Variants in COL14A1 observed in about 807,000 individuals in gnomAD.
COL14A1 encodes collagen alpha-1(XIV) chain.
In COL14A1, 136 loss-of-function variants were observed where a neutral mutation model predicts 230.3. That is an observed-to-expected ratio of 0.59 (90% confidence interval 0.51 to 0.68). The LOEUF (loss-of-function observed/expected upper bound fraction) is 0.68, where lower values mean the gene tolerates loss of function less well. Among genes scored for constraint, COL14A1 ranks in the 30% least tolerant of loss-of-function variants. The pLI, the probability that COL14A1 is intolerant of heterozygous loss-of-function variation, is 0.00. For missense variants in COL14A1, 1,976 were observed against 2,215.8 expected (o/e 0.89, Z 2.17); for synonymous variants, 792 against 784.1 (o/e 1.01, Z -0.17).
intron 1 of COL14A1, among the ~76,000 whole-genome samples, chr8:120,129,166 T>A (rs903436479): frequency 6.6e-6 from 1 of 152,158 alleles, no homozygotes; most frequent in Non-Finnish European, 1.5e-5. Context: ...CAAATGGAAA[T>A]GCCAATAGCT....
chr8:120,210,921 G>A (rs1009929917), intron 12 of COL14A1, among the ~76,000 whole-genome samples: 2 of 151,908 alleles, frequency 1.3e-5, no homozygotes, highest in Non-Finnish European at 2.9e-5. Flanking sequence ...TGACAAAAGA[G>A]AGACTTACAA....
intron 14 of COL14A1, 52 bp from the exon 15 acceptor site, chr8:120,225,036 T>G (rs1431200218): frequency 9.0e-6 from 14 of 1,553,386 alleles, no homozygotes; most frequent in Non-Finnish European, 1.2e-5. Flanking sequence ...ATAAAATGAT[T>G]CTTATACTTA....
chr8:120,259,872 A>T (rs924676839), intron 23 of COL14A1, among the ~76,000 whole-genome samples: 1 of 152,126 alleles, frequency 6.6e-6, no homozygotes, highest in Non-Finnish European at 1.5e-5. Context: ...GCTCTAAGGG[A>T]TAGCTAAGGG....
At chr8:120,206,759 A>G (rs569421987) in intron 9 of COL14A1, among the ~76,000 whole-genome samples, 184 bp from the exon 10 acceptor site, 1 of 152,354 alleles carries the variant, frequency 6.6e-6, no homozygotes, top group East Asian at 1.9e-4. Flanking sequence ...TTAGCATAGT[A>G]CCTGGCACCT....
chr8:120,311,771 C>T (rs959279292), intron 37 of COL14A1, among the ~76,000 whole-genome samples: 1 of 152,030 alleles, frequency 6.6e-6, no homozygotes, highest in African/African-American at 2.4e-5. Flanking sequence ...AGTTTTTGCC[C>T]TTCTACTCTA....
chr8:120,233,797 A>C (rs980419813), intron 19 of COL14A1, among the ~76,000 whole-genome samples: 8 of 152,066 alleles, frequency 5.3e-5, no homozygotes, highest in Admixed American at 6.6e-5. Flanking sequence ...TCTTGGCTAT[A>C]TGGACTCTTT....
intron 24 of COL14A1, among the ~76,000 whole-genome samples, 185 bp downstream of exon 24, chr8:120,263,199 A>G (rs547693605): frequency 1.3e-5 from 2 of 152,300 alleles, no homozygotes; most frequent in South Asian, 4.1e-4. Flanking sequence ...TGTCATCAAT[A>G]TGGGTTTTTT....
At chr8:120,286,488 TATTTA>T (rs1292902798) in intron 33 of COL14A1, among the ~76,000 whole-genome samples, 6 of 152,210 alleles carry the variant, frequency 3.9e-5, no homozygotes, top group African/African-American at 1.2e-4. Context: ...TACTTGTCAT[TATTTA>T]ATTTAATTTA....
intron 40 of COL14A1, among the ~76,000 whole-genome samples, chr8:120,320,733 A>G (rs939492297): frequency 6.6e-6 from 1 of 152,194 alleles, no homozygotes; most frequent in Non-Finnish European, 1.5e-5. Context: ...GTGGCTCTGG[A>G]TGGGTTTTAT....
chr8:120,349,817 A>G (rs1267705462), intron 45 of COL14A1, among the ~76,000 whole-genome samples: 1 of 142,178 alleles, frequency 7.0e-6, no homozygotes, highest in African/African-American at 2.8e-5. Flanking sequence ...ACTCTGCAGG[A>G]TATTATCCAG....
At chr8:120,339,649 TA>T (rs1822214262) in intron 42 of COL14A1, among the ~76,000 whole-genome samples, 1 of 151,890 alleles carries the variant, frequency 6.6e-6, no homozygotes, top group Admixed American at 6.6e-5. Flanking sequence ...AGTATTAGCA[TA>T]AAAAAATTTT....
At chr8:120,307,078 G>A (rs892155945) in intron 36 of COL14A1, among the ~76,000 whole-genome samples, 19 of 152,178 alleles carry the variant, frequency 1.2e-4, no homozygotes, top group African/African-American at 3.9e-4. Flanking sequence ...GCTGCTAGAC[G>A]ACTTCATCAA....
At chr8:120,306,537 G>A (rs1301890256) in intron 36 of COL14A1, among the ~76,000 whole-genome samples, 2 of 152,090 alleles carry the variant, frequency 1.3e-5, no homozygotes, top group Admixed American at 6.6e-5. Context: ...TCTCATTCAT[G>A]AATTTACACA....
At chr8:120,212,819 C>A (rs931757847) in intron 13 of COL14A1, among the ~76,000 whole-genome samples, 1 of 152,124 alleles carries the variant, frequency 6.6e-6, no homozygotes, top group Non-Finnish European at 1.5e-5. Context: ...CTTTCTTTGT[C>A]TAAATTCAAA....
At chr8:120,369,593 G>A (rs1380535196) in intron 47 of COL14A1, 108 bp downstream of exon 47, 3 of 1,103,914 alleles carry the variant, frequency 2.7e-6, no homozygotes, top group Non-Finnish European at 3.7e-6. Context: ...GGTTATGAAT[G>A]GGAAGCAGAG....
At chr8:120,368,433 G>A (rs1823480172) in intron 46 of COL14A1, among the ~76,000 whole-genome samples, 1 of 152,022 alleles carries the variant, frequency 6.6e-6, no homozygotes, top group South Asian at 2.1e-4. Context: ...CAGAATGGGT[G>A]GTTGGTGAGT....
intron 20 of COL14A1, among the ~76,000 whole-genome samples, chr8:120,246,737 T>G (rs1011998051): frequency 6.6e-6 from 1 of 152,306 alleles, no homozygotes; most frequent in African/African-American, 2.4e-5. Flanking sequence ...CCAACACAAC[T>G]ACGTTTTATC....
At chr8:120,276,819 G>A (rs1006904439) in intron 26 of COL14A1, among the ~76,000 whole-genome samples, 15 of 147,908 alleles carry the variant, frequency 1.0e-4, no homozygotes, top group Non-Finnish European at 1.9e-4. Flanking sequence ...AGGTACCCTA[G>A]AACTTAAAGT....
chr8:120,368,985 T>C (rs769993318), intron 46 of COL14A1, among the ~76,000 whole-genome samples: 2 of 152,168 alleles, frequency 1.3e-5, no homozygotes, highest in Non-Finnish European at 2.9e-5. Flanking sequence ...ATAGATTGGA[T>C]TCATAAGGAA....
Sources: allele counts gnomAD v4.1 joint callset (sites outside exome capture counted in the v4.1 genomes callset), GRCh38; gene constraint gnomAD v4.1.1; transcripts MANE v1.5; gene names NCBI Gene and HGNC (gene_info 2026-07-23, HGNC 2026-07-21).